BMAL1: variants seen among roughly 807,000 people sequenced by gnomAD.
BMAL1 encodes the protein basic helix-loop-helix ARNT like 1, also known as basic helix-loop-helix ARNT-like protein 1.
the BMAL1 span, among the ~76,000 whole-genome samples, chr11:13,334,612 TAGA>T: frequency 0.015 from 2,314 of 151,306 alleles, 34 homozygotes; most frequent in South Asian, 0.042. Flanking sequence ...GGCCAGAAAG[TAGA>T]AGGAGAGAGG....
At chr11:13,304,099 A>G in the BMAL1 span, among the ~76,000 whole-genome samples, 6 of 152,160 alleles carry the variant, frequency 3.9e-5, no homozygotes, top group African/African-American at 1.4e-4. Context: ...AATGACAAGC[A>G]GAGCCAGAAC....
At chr11:13,350,830 C>G in the BMAL1 span, among the ~76,000 whole-genome samples, 1 of 152,158 alleles carries the variant, frequency 6.6e-6, no homozygotes, top group Non-Finnish European at 1.5e-5. Context: ...TTTGGTCCCA[C>G]ATACAAATAT....
the BMAL1 span, chr11:13,369,842 G>C: frequency 1.9e-6 from 3 of 1,547,438 alleles, no homozygotes; most frequent in Non-Finnish European, 2.6e-6. Context: ...TCAGCTGGGC[G>C]TTGGTTCCAT....
chr11:13,343,826 G>A, the BMAL1 span, among the ~76,000 whole-genome samples: 1 of 152,124 alleles, frequency 6.6e-6, no homozygotes, highest in African/African-American at 2.4e-5. Context: ...GATATTGGGG[G>A]TCTTTTCCAC....
the BMAL1 span, chr11:13,356,935 A>T: frequency 6.3e-7 from 1 of 1,586,668 alleles, no homozygotes. Context: ...TCCAACCCCC[A>T]GTCCCCTTGT....
the BMAL1 span, chr11:13,376,882 A>G: frequency 1.6e-6 from 1 of 643,370 alleles, no homozygotes; most frequent in Non-Finnish European, 2.6e-6. Flanking sequence ...CCATGAATGC[A>G]GAGGACACTG....
the BMAL1 span, chr11:13,369,904 C>T: frequency 4.5e-6 from 5 of 1,106,730 alleles, no homozygotes; most frequent in African/African-American, 3.2e-5. Flanking sequence ...CAGGACCCTG[C>T]AGTCCTCCCT....
the BMAL1 span, chr11:13,369,562 C>T: frequency 1.9e-6 from 3 of 1,604,390 alleles, no homozygotes; most frequent in Non-Finnish European, 2.6e-6. Flanking sequence ...TCACACTCCC[C>T]CTCCTGACAG....
At chr11:13,366,955 T>C in the BMAL1 span, among the ~76,000 whole-genome samples, 2 of 152,238 alleles carry the variant, frequency 1.3e-5, no homozygotes, top group African/African-American at 4.8e-5. Context: ...TTATGTTCTT[T>C]GGTCTTTTAC....
the BMAL1 span, among the ~76,000 whole-genome samples, chr11:13,306,869 G>C: frequency 6.6e-6 from 1 of 152,262 alleles, no homozygotes; most frequent in African/African-American, 2.4e-5. Context: ...TGTTCTTTGT[G>C]TGTTGGCATC....
At chr11:13,307,613 G>A in the BMAL1 span, among the ~76,000 whole-genome samples, 1 of 152,252 alleles carries the variant, frequency 6.6e-6, no homozygotes, top group Middle Eastern at 3.2e-3. Flanking sequence ...ACACTATTAA[G>A]TGTTGGCAGA....
chr11:13,278,431 C>T, the BMAL1 span, among the ~76,000 whole-genome samples: 1 of 152,210 alleles, frequency 6.6e-6, no homozygotes, highest in South Asian at 2.1e-4. Context: ...GGGCGTTGGG[C>T]GAACGGTGCC....
chr11:13,334,386 GT>G, the BMAL1 span, among the ~76,000 whole-genome samples: 1 of 152,242 alleles, frequency 6.6e-6, no homozygotes, highest in Admixed American at 6.5e-5. Flanking sequence ...AACCTTCAGA[GT>G]TTGTTTTGAC....
At chr11:13,344,972 C>T in the BMAL1 span, among the ~76,000 whole-genome samples, 1 of 152,202 alleles carries the variant, frequency 6.6e-6, no homozygotes, top group Non-Finnish European at 1.5e-5. Flanking sequence ...GCAGAGGTGG[C>T]AACTCAAGCA....
At chr11:13,327,988 G>T in the BMAL1 span, among the ~76,000 whole-genome samples, 3 of 151,670 alleles carry the variant, frequency 2.0e-5, no homozygotes, top group African/African-American at 4.8e-5. Context: ...TGTATTTAAG[G>T]GTTGTTGGGC....
the BMAL1 span, among the ~76,000 whole-genome samples, chr11:13,377,339 C>T: frequency 1.3e-5 from 2 of 152,176 alleles, no homozygotes; most frequent in Admixed American, 6.5e-5. Context: ...TTCAGAATAT[C>T]CCAAGCTGAT....
the BMAL1 span, chr11:13,376,491 CAGTG>C: frequency 9.0e-6 from 7 of 777,274 alleles, no homozygotes; most frequent in South Asian, 5.7e-5. Context: ...TATTATCAAA[CAGTG>C]AGACCTGTTT....
the BMAL1 span, among the ~76,000 whole-genome samples, chr11:13,385,412 G>C: frequency 2.0e-5 from 3 of 152,156 alleles, no homozygotes; most frequent in South Asian, 6.2e-4. Flanking sequence ...AGAAATATGT[G>C]GGCATCATGA....
At chr11:13,316,087 C>T in the BMAL1 span, among the ~76,000 whole-genome samples, 1 of 152,202 alleles carries the variant, frequency 6.6e-6, no homozygotes, top group African/African-American at 2.4e-5. Flanking sequence ...GGAAAGGGGC[C>T]CCCTTTGTCT....
Sources: allele counts gnomAD v4.1 joint callset (sites outside exome capture counted in the v4.1 genomes callset), GRCh38; gene constraint gnomAD v4.1.1; transcripts MANE v1.5; gene names NCBI Gene and HGNC (gene_info 2026-07-23, HGNC 2026-07-21).